The following AKAP3 variants were observed in gnomAD, a reference collection of about 807,000 sequenced individuals.
AKAP3 encodes the protein A-kinase anchor protein 3.
In AKAP3, 27 loss-of-function variants were observed where a neutral mutation model predicts 57.2. The ratio of observed to expected loss-of-function variants is 0.47; its 90% CI spans 0.35 to 0.65. The LOEUF (loss-of-function observed/expected upper bound fraction) is 0.65, where lower values mean the gene tolerates loss of function less well. Among genes scored for constraint, AKAP3 ranks in the 30% least tolerant of loss-of-function variants. The pLI, the probability that AKAP3 is intolerant of heterozygous loss-of-function variation, is 0.01. For missense variants in AKAP3, 959 were observed against 1,040.0 expected, an observed-to-expected ratio of 0.92 and a Z score of 1.07; for synonymous variants, 334 against 392.3, an observed-to-expected ratio of 0.85 and a Z score of 1.76.
Position 4,615,811 on chromosome 12 carries a change from C to G in AKAP3, c.2490G>C (p.Glu830Asp), listed in dbSNP as rs1328339346. 1 of 1,614,126 alleles carries G rather than the reference C, an allele frequency of 6.2e-7. No individual in the cohort carries two copies. The highest frequency in any genetic ancestry group is 1.3e-5 in the African/African-American group (1 of 74,948). ...TCCCCACCGCCTCATTCAGCTGGCG[C>G]TCCTTCTCATAGCGCAGCACCGACT... Reference protein sequence around the residue: ...VLQSVLRYEKERQLNEAVGNV... With the variant: ...VLQSVLRYEKDRQLNEAVGNV... Residue 830 changes from glutamate to aspartate, a missense_variant, in exon 6 of 6, where the codon GAG (glutamate) becomes GAC (aspartate). Physicochemically the swap from Glu to Asp is conservative, Grantham distance 45. Transcript: ENST00000228850.
chr12:4,619,923 T>C (rs1945326291), intron 5 of AKAP3, among the ~76,000 whole-genome samples: 1 of 152,202 alleles, frequency 6.6e-6, no homozygotes, highest in South Asian at 2.1e-4. Context: ...AAAGACCACA[T>C]ACTTTATGGC....
At chr12:4,623,010 G>A (rs1591817075) in intron 5 of AKAP3, among the ~76,000 whole-genome samples, 1 of 152,212 alleles carries the variant, frequency 6.6e-6, no homozygotes, top group African/African-American at 2.4e-5. Flanking sequence ...TGGCCAACAA[G>A]CATATAAAAA....
chr12:4,638,308 A>G (rs750181464), intron 3 of AKAP3, 112 bp from the exon 4 acceptor site: 3 of 738,866 alleles, frequency 4.1e-6, no homozygotes, highest in Middle Eastern at 2.6e-4. Flanking sequence ...AATGCCTTCA[A>G]TAGAGACCTT....
At chr12:4,647,617 G>T (rs903867646) in intron 1 of AKAP3, among the ~76,000 whole-genome samples, 1 of 152,156 alleles carries the variant, frequency 6.6e-6, no homozygotes, top group Non-Finnish European at 1.5e-5. Flanking sequence ...ATAATTGGCA[G>T]TGTTATACAG....
rs939836474 is a variant in AKAP3, at chr12:4,625,904, C to A, written c.2406+592G>T. ...GTGGAGGACAAGAACTTATCAGGCA[C>A]GTTTACCTTTATCAGTAATAACAGT... is the stretch of plus-strand genomic sequence containing the variant. On this transcript the variant is annotated intron_variant, in intron 5 of 5. Coordinates refer to ENST00000228850, the MANE Select transcript of AKAP3 (RefSeq NM_001278309.2). This position sits in a 1 kb window ranked among gnomAD's most constrained non-coding sequence, Gnocchi z 5.4. Among the ~76,000 whole-genome samples, 5 of 152,176 alleles carry A rather than the reference C, an allele frequency of 3.3e-5. No homozygotes were observed. The highest frequency in any genetic ancestry group is 1.2e-4 in the African/African-American group (5 of 41,520).
At chr12:4,638,314 A>G in intron 3 of AKAP3, 118 bp from the exon 4 acceptor site, 1 of 700,130 alleles carries the variant, frequency 1.4e-6, no homozygotes, top group Non-Finnish European at 2.5e-6. Flanking sequence ...TTCAATAGAG[A>G]CCTTCCCCAA....
chr12:4,635,823 C>A, intron 4 of AKAP3: 1 of 683,616 alleles, frequency 1.5e-6, no homozygotes. Context: ...GTTAGAAAAT[C>A]AGCTGAATCT....
In AKAP3 at chr12:4,626,767, T is replaced by A; in HGVS notation, c.2135A>T (p.Asp712Val). 1 of 1,614,164 alleles carries A rather than the reference T, an allele frequency of 6.2e-7. No homozygotes were observed. The highest frequency in any genetic ancestry group is 1.1e-5 in the South Asian group (1 of 91,074). ...DASRLTSAFP[D>V]SLYECLPAKG... is the part of the protein sequence containing the mutation. ...GGCTGGTAAGCACTCATATAAACTA[T>A]CTGGGAAGGCCGAAGTTAGCCTACT... The change falls in exon 5 of 6, where the codon GAT (aspartate) becomes GTT (valine). Residue 712 changes from aspartate to valine, a missense_variant. Physicochemically the swap from Asp to Val is radical, Grantham distance 152. Transcript: ENST00000228850.
intron 4 of AKAP3, chr12:4,631,344 C>T (rs1565555266): frequency 7.1e-6 from 5 of 701,720 alleles, no homozygotes; most frequent in Non-Finnish European, 1.3e-5. Flanking sequence ...GACGTTTGTG[C>T]TCACATGGAA....
chr12:4,623,011 C>A (rs1243741849), intron 5 of AKAP3, among the ~76,000 whole-genome samples: 1 of 152,096 alleles, frequency 6.6e-6, no homozygotes, highest in African/African-American at 2.4e-5. Context: ...GGCCAACAAG[C>A]ATATAAAAAC....
rs777399617 is a variant in AKAP3, at chr12:4,626,677, C to T, written c.2225G>A (p.Arg742Lys). The T allele has an allele frequency of 1.2e-6, 2 of 1,614,230 alleles. No individual in the cohort carries two copies. The highest frequency in any genetic ancestry group is 2.2e-5 in the South Asian group (2 of 91,082). ...TTCAGGGGGCTGTCCTGATGTGCCT[C>T]TCATTTCATTATGGATAGCTTGATA... ...NAYQAIHNEMRGTSGQPPEGC... is the reference protein window; with the variant it reads ...NAYQAIHNEMKGTSGQPPEGC... Residue 742 changes from arginine (R) to lysine (K), a missense_variant, in exon 5 of 6, where the codon AGA becomes AAA. Coordinates refer to ENST00000228850, the MANE Select transcript of AKAP3 (RefSeq NM_001278309.2).
intron 5 of AKAP3, among the ~76,000 whole-genome samples, chr12:4,617,733 C>A (rs920698150): frequency 1.5e-5 from 2 of 135,306 alleles, no homozygotes; most frequent in African/African-American, 2.8e-5. Flanking sequence ...GCCTGAGCAA[C>A]AGAGTGAGAT....
intron 4 of AKAP3, among the ~76,000 whole-genome samples, chr12:4,631,022 G>C (rs138152125): frequency 1.3e-5 from 2 of 152,248 alleles, no homozygotes; most frequent in African/African-American, 4.8e-5. Flanking sequence ...ATCTAATGGA[G>C]ATAAATGTCC....
At chr12:4,637,448 T>C (rs967276544) in intron 4 of AKAP3, among the ~76,000 whole-genome samples, 2 of 152,224 alleles carry the variant, frequency 1.3e-5, no homozygotes, top group African/African-American at 4.8e-5. Flanking sequence ...GTTTATGTAA[T>C]TCTCAGCCTG....
intron 5 of AKAP3, among the ~76,000 whole-genome samples, chr12:4,622,862 A>G (rs1462624034): frequency 6.6e-6 from 1 of 152,244 alleles, no homozygotes; most frequent in Non-Finnish European, 1.5e-5. Context: ...ATGGAAGGAA[A>G]TATTTGCAAA....
intron 4 of AKAP3, chr12:4,635,578 T>G: frequency 1.4e-6 from 1 of 714,186 alleles, no homozygotes; most frequent in South Asian, 1.5e-5. Context: ...TTTTATTTGC[T>G]AGGTCAGCCT....
At chr12:4,621,740 C>G (rs1945350327) in intron 5 of AKAP3, among the ~76,000 whole-genome samples, 1 of 152,216 alleles carries the variant, frequency 6.6e-6, no homozygotes, top group East Asian at 1.9e-4. Context: ...CATGACTAAG[C>G]AATGCATGAG....
At chr12:4,637,198 A>C (rs548306465) in intron 4 of AKAP3, among the ~76,000 whole-genome samples, 19 of 152,264 alleles carry the variant, frequency 1.2e-4, no homozygotes, top group African/African-American at 3.6e-4. Context: ...ACTGTCTCTC[A>C]CTCCAAATCC....
In AKAP3 at chr12:4,626,752, C is replaced by CA; in HGVS notation, c.2149dup (p.Cys717LeufsTer23). 1 of 1,613,568 alleles carries CA rather than the reference C, an allele frequency of 6.2e-7. No individual in the cohort carries two copies. Among genetic ancestry groups the CA allele is most frequent in the Non-Finnish European group, 8.5e-7 (1 of 1,179,986 alleles). On this transcript the variant is annotated frameshift_variant, in exon 5 of 6. Transcript: ENST00000228850. LOFTEE classifies it high-confidence loss of function. ...TGACCCTGTGCCCTTGGCTGGTAAG[C>CA]ACTCATATAAACTATCTGGGAAGGC...
Sources: allele counts gnomAD v4.1 joint callset (sites outside exome capture counted in the v4.1 genomes callset), GRCh38; gene constraint gnomAD v4.1.1; non-coding constraint Gnocchi (gnomAD v3.1); transcripts MANE v1.5; gene names NCBI Gene and HGNC (gene_info 2026-07-23, HGNC 2026-07-21).